Variants in TOP3A observed in about 807,000 individuals in gnomAD.
TOP3A encodes the protein DNA topoisomerase 3-alpha.
In TOP3A, 64 loss-of-function variants were observed where a neutral mutation model predicts 111.3. The ratio of observed to expected loss-of-function variants is 0.57; its 90% CI spans 0.47 to 0.71. The LOEUF (loss-of-function observed/expected upper bound fraction) is 0.71, where lower values mean the gene tolerates loss of function less well. TOP3A is among the 30% of genes least tolerant of loss of function. The pLI, the probability that TOP3A is intolerant of heterozygous loss-of-function variation, is 0.00. For missense variants in TOP3A, 1,104 were observed against 1,285.0 expected (o/e 0.86, Z 2.15); for synonymous variants, 484 against 485.1 (o/e 1.00, Z 0.03).
intron 2 of TOP3A, 77 bp downstream of exon 2, chr17:18,308,805 C>A: frequency 2.2e-6 from 2 of 925,104 alleles, no homozygotes; most frequent in South Asian, 3.6e-5. Flanking sequence ...AAGACAGCGA[C>A]ATATTCTACA....
chr17:18,299,782 T>C lies in TOP3A; in HGVS notation c.916-149A>G, dbSNP rs1204348563. The C allele has an allele frequency of 4.2e-6, 3 of 717,048 alleles. No individual in the cohort carries two copies. The Admixed American group carries it at 6.4e-5, about 15-fold the overall frequency. The allele number at this position is 717,048 out of a possible 1,614,324, so 44.4% of individuals were successfully genotyped here. A position where few individuals can be genotyped will look rare whatever the true frequency, so the allele number is the denominator to read the frequency against. ...CAGCCTAGAAGAGTGCCCCACTTAATGTCGCTTGTAGCTGACAGTATGGTA... is the reference window on the plus strand; with the variant it reads ...CAGCCTAGAAGAGTGCCCCACTTAACGTCGCTTGTAGCTGACAGTATGGTA... On this transcript the variant is annotated intron_variant, in intron 8 of 18. Transcript: ENST00000321105.
Position 18,280,609 on chromosome 17 carries a change from G to A in TOP3A, c.2071C>T (p.Leu691Phe). Residue 691 changes from leucine (L) to phenylalanine (F), a missense_variant, in exon 17 of 19, where the codon CTT (leucine) becomes TTT (phenylalanine). Coordinates refer to ENST00000321105, the MANE Select transcript of TOP3A (RefSeq NM_004618.5). ...CTGGCCTCCAGCACCGAGTCAGGAAGCCACACAGCTGAGCGACACTCTGGG... is the reference window on the plus strand; with the variant it reads ...CTGGCCTCCAGCACCGAGTCAGGAAACCACACAGCTGAGCGACACTCTGGG... ...GFPECRSAVW[L>F]PDSVLEASRD... 1 of 1,614,144 alleles carries A rather than the reference G, an allele frequency of 6.2e-7. No individual in the cohort carries two copies.
At chr17:18,282,942 G>C in intron 15 of TOP3A, 101 bp from the exon 16 acceptor site, 1 of 1,473,738 alleles carries the variant, frequency 6.8e-7, no homozygotes, top group East Asian at 2.3e-5. Context: ...TTGAGAACCA[G>C]CTGGTCAGTG....
chr17:18,274,678 C>G lies in TOP3A; in HGVS notation c.*124G>C. The G allele has an allele frequency of 6.8e-7, 1 of 1,470,480 alleles. No homozygotes were observed. Among genetic ancestry groups the G allele is most frequent in the Non-Finnish European group, 9.0e-7 (1 of 1,107,744 alleles). 91.1% of individuals were successfully genotyped at this position (1,470,480 alleles called of 1,614,324 possible). Reference sequence around the variant, plus strand: ...CCCCTTAACACAAGAAGGCCCGACTCCAAAGGCCAACACTGTCCTCTAAGT... The same window carrying G: ...CCCCTTAACACAAGAAGGCCCGACTGCAAAGGCCAACACTGTCCTCTAAGT... On this transcript the variant is annotated 3_prime_UTR_variant, in exon 19 of 19. Coordinates refer to ENST00000321105, the MANE Select transcript of TOP3A (RefSeq NM_004618.5).
rs1979094190 is a variant in TOP3A, at chr17:18,273,041, G to C, written c.*1761C>G. On this transcript the variant is annotated 3_prime_UTR_variant, in exon 19 of 19. Transcript: ENST00000321105. ...TTGGTGGTACCCCGGAGCTGGGATA[G>C]GCAAAATCACACACGCAGGGCCACA... 2.0e-5 allele frequency: 3 copies of C among 152,004 alleles called. No individual in the cohort carries two copies. The South Asian group carries it at 6.2e-4, about 32-fold the overall frequency. 9.4% of individuals were successfully genotyped at this position (152,004 alleles called of 1,614,324 possible).
intron 4 of TOP3A, among the ~76,000 whole-genome samples, chr17:18,305,876 A>G (rs574480187): frequency 2.6e-5 from 4 of 151,792 alleles, no homozygotes; most frequent in East Asian, 2.0e-4. Context: ...ATGAATCCCA[A>G]TTGAATTTCA....
At chr17:18,284,737 T>C (rs1979981319) in intron 15 of TOP3A, among the ~76,000 whole-genome samples, 1 of 152,080 alleles carries the variant, frequency 6.6e-6, no homozygotes, top group Admixed American at 6.5e-5. Context: ...TAAAAGACTT[T>C]GTTGCCTAAC....
intron 15 of TOP3A, among the ~76,000 whole-genome samples, chr17:18,284,471 C>T (rs780227576): frequency 2.7e-4 from 41 of 152,148 alleles, no homozygotes; most frequent in Admixed American, 5.9e-4. Flanking sequence ...CCCTGACAAC[C>T]AGACCGATCC....
intron 16 of TOP3A, among the ~76,000 whole-genome samples, chr17:18,281,393 GA>G (rs1161981741): frequency 6.6e-6 from 1 of 152,118 alleles, no homozygotes; most frequent in African/African-American, 2.4e-5. Flanking sequence ...GAGTAACTCA[GA>G]GAAGCATTAC....
At position 18,292,775 on chromosome 17, in the gene TOP3A, G is replaced by A; in HGVS notation, c.1151C>T (p.Thr384Ile). The A allele has an allele frequency of 2.5e-6, 4 of 1,614,114 alleles. No homozygotes were observed. The highest frequency in any genetic ancestry group is 3.3e-4 in the Middle Eastern group (2 of 6,062). The part of the protein sequence containing the change: ...LNLTVLVEQQ[T>I]PDPRWGAFAQ... Reference sequence around the variant, plus strand: ...AAAGGCCCCCCAGCGTGGATCGGGGGTCTGCTGTTCCACCAACACCGTCAG... The same window carrying A: ...AAAGGCCCCCCAGCGTGGATCGGGGATCTGCTGTTCCACCAACACCGTCAG... Residue 384 changes from threonine (T) to isoleucine (I), a missense_variant, in exon 11 of 19, where the codon ACC (threonine) becomes ATC (isoleucine). Coordinates refer to ENST00000321105, the MANE Select transcript of TOP3A (RefSeq NM_004618.5).
chr17:18,280,392 C>A, intron 17 of TOP3A, 144 bp downstream of exon 17: 2 of 907,034 alleles, frequency 2.2e-6, no homozygotes, highest in Non-Finnish European at 3.3e-6. Flanking sequence ...ACCAGCCCTG[C>A]TGAACTGGCT....
chr17:18,290,716 A>T, intron 12 of TOP3A, 30 bp from the exon 13 acceptor site: 1 of 1,581,602 alleles, frequency 6.3e-7, no homozygotes, highest in Non-Finnish European at 8.6e-7. Flanking sequence ...CAACAGTCAG[A>T]TGATTCCATC....
At chr17:18,314,572 G>A (rs759890124) in intron 1 of TOP3A, 27 bp downstream of exon 1, 3 of 1,588,414 alleles carry the variant, frequency 1.9e-6, no homozygotes, top group Non-Finnish European at 2.6e-6. Flanking sequence ...CTTAAGGCAC[G>A]CAGCTGATCG....
chr17:18,285,123 A>T lies in TOP3A; in HGVS notation c.1877+19T>A. 6.2e-7 allele frequency: 1 copy of T among 1,611,194 alleles called. No individual in the cohort carries two copies. The highest frequency in any genetic ancestry group is 8.5e-7 in the Non-Finnish European group (1 of 1,179,824). On this transcript the variant is annotated intron_variant, in intron 15 of 18. Transcript: ENST00000321105. ...GGGCAACATAGTGAGACCCCTCTGTATTTCTTTTAAGGACTTACTTCTTTG... is the reference window on the plus strand; with the variant it reads ...GGGCAACATAGTGAGACCCCTCTGTTTTTCTTTTAAGGACTTACTTCTTTG...
chr17:18,299,094 C>T (rs973233315), intron 9 of TOP3A, among the ~76,000 whole-genome samples: 2 of 149,924 alleles, frequency 1.3e-5, no homozygotes, highest in African/African-American at 2.4e-5. Context: ...AAAAAAAGAG[C>T]AAAACTCCAT....
At position 18,274,588 on chromosome 17, in the gene TOP3A, G is replaced by C. The variant is rs1000785472; in HGVS notation, c.*214C>G. 1.4e-6 allele frequency: 1 copy of C among 723,576 alleles called. No individual in the cohort carries two copies. Among genetic ancestry groups the C allele is most frequent in the Non-Finnish European group, 2.1e-6 (1 of 484,132 alleles). 44.8% of individuals were successfully genotyped at this position (723,576 alleles called of 1,614,324 possible). A position where few individuals can be genotyped will look rare whatever the true frequency, so the allele number is the denominator to read the frequency against. On this transcript the variant is annotated 3_prime_UTR_variant, in exon 19 of 19. Transcript: ENST00000321105. ...TTCAGCAGTGGCTATGGTCACTCCT[G>C]AGGCCTGGGAAGAGGGTCACTGTCC...
rs1489784301 is a variant in TOP3A, at chr17:18,285,519, A to G, written c.1599T>C (p.Gly533=). 2 of 1,613,088 alleles carry G rather than the reference A, an allele frequency of 1.2e-6. No individual in the cohort carries two copies. Among genetic ancestry groups the G allele is most frequent in the Non-Finnish European group, 1.7e-6 (2 of 1,179,756 alleles). The change falls in exon 14 of 19, where the codon GGT becomes GGC. Residue 533 remains glycine (G), a splice_region_variant and synonymous_variant. Transcript: ENST00000321105. ...LIALMEKHGI[G]TDATHAEHIE... is the part of the protein sequence containing the mutation. ...TGTGCTCCGCATGAGTGGCATCCGT[A>G]CCTGGAAGCCACTTGCTGGTTACTC...
intron 1 of TOP3A, chr17:18,312,398 G>A (rs9913916): frequency 0.054 from 8,272 of 152,654 alleles, 656 homozygotes; most frequent in African/African-American, 0.17. Flanking sequence ...TGCCTGTGCT[G>A]TGTCCTAAGA....
At chr17:18,302,236 A>G in intron 7 of TOP3A, 28 bp downstream of exon 7, 2 of 1,582,322 alleles carry the variant, frequency 1.3e-6, no homozygotes, top group Non-Finnish European at 1.7e-6. Flanking sequence ...CATAGGTCCC[A>G]GGCCATAACA....
Sources: allele counts gnomAD v4.1 joint callset (sites outside exome capture counted in the v4.1 genomes callset), GRCh38; gene constraint gnomAD v4.1.1; transcripts MANE v1.5; gene names NCBI Gene and HGNC (gene_info 2026-07-23, HGNC 2026-07-21).